Variants in RAB3GAP2 observed in about 807,000 individuals in gnomAD.
RAB3GAP2 encodes the protein RAB3 GTPase activating non-catalytic protein subunit 2.
In RAB3GAP2, 87 loss-of-function variants were observed where a neutral mutation model predicts 185.3. That is an observed-to-expected ratio of 0.47 (90% CI 0.39 to 0.56). RAB3GAP2 has a LOEUF of 0.56. Ranked by LOEUF, RAB3GAP2 falls within the 20% of genes least tolerant of loss-of-function variation. The pLI is 0.00. For missense variants in RAB3GAP2, 1,492 were observed against 1,638.2 expected (o/e 0.91, Z 1.54); for synonymous variants, 554 against 576.1 (o/e 0.96, Z 0.55).
rs999874919 is a variant in RAB3GAP2, at chr1:220,153,370, G to C, written c.3682C>G (p.Gln1228Glu). Reference protein sequence around the residue: ...LKVVSAAVQAQHSATKVKDPT... With the variant: ...LKVVSAAVQAEHSATKVKDPT... Reference sequence around the variant, plus strand: ...TCTTTGACCTTTGTGGCTGAATGTTGGGCCTGGACAGCTGCACTGACAACT... The same window carrying C: ...TCTTTGACCTTTGTGGCTGAATGTTCGGCCTGGACAGCTGCACTGACAACT... The change falls in exon 33 of 35, where the codon CAA becomes GAA. Residue 1228 changes from glutamine (Q) to glutamate (E), a missense_variant. Physicochemically the swap from Gln to Glu is conservative, Grantham distance 29 (BLOSUM62 2). Coordinates refer to ENST00000358951, the MANE Select transcript of RAB3GAP2 (RefSeq NM_012414.4). 6.2e-7 allele frequency: 1 copy of C among 1,614,048 alleles called. No individual in the cohort carries two copies. The highest frequency in any genetic ancestry group is 1.7e-5 in the Admixed American group (1 of 59,998).
chr1:220,202,525 C>T (rs1658882019), intron 8 of RAB3GAP2, 151 bp from the exon 9 acceptor site: 5 of 788,274 alleles, frequency 6.3e-6, no homozygotes, highest in Non-Finnish European at 8.1e-6. Context: ...GAGATTTATT[C>T]ACACCAAGAC....
Position 220,176,778 on chromosome 1 carries a change from G to T in RAB3GAP2, c.2311-4036C>A, listed in dbSNP as rs117539717. ...TCCCCCTCAGGGCCCCCTCACTGCA[G>T]CTGGAGAACTATCCTATCTGTGCAG... On this transcript the variant is annotated intron_variant, in intron 21 of 34. Coordinates refer to ENST00000358951, the MANE Select transcript of RAB3GAP2 (RefSeq NM_012414.4). Among the ~76,000 whole-genome samples, 265 of 152,240 alleles carry T rather than the reference G, an allele frequency of 1.7e-3. 5 individuals are homozygous for T. In the East Asian group the frequency reaches 0.044, roughly 25 times the overall value.
At chr1:220,198,929 G>A (rs752613017) in intron 9 of RAB3GAP2, among the ~76,000 whole-genome samples, 4 of 152,182 alleles carry the variant, frequency 2.6e-5, no homozygotes, top group East Asian at 1.9e-4. Context: ...TGAGTGAAGA[G>A]AGGGAGAAAG....
chr1:220,199,702 T>C (rs1658805370), intron 9 of RAB3GAP2, among the ~76,000 whole-genome samples: 3 of 152,158 alleles, frequency 2.0e-5, no homozygotes. Context: ...TCCTCCTCCT[T>C]ATTCTCATTT....
intron 14 of RAB3GAP2, 77 bp from the exon 15 acceptor site, chr1:220,190,597 G>A: frequency 7.0e-7 from 1 of 1,425,492 alleles, no homozygotes; most frequent in Non-Finnish European, 9.9e-7. Context: ...ATTATAGCTA[G>A]GAAACCCAAC....
chr1:220,271,699 A>G (rs2102541824), intron 1 of RAB3GAP2, among the ~76,000 whole-genome samples: 2 of 152,136 alleles, frequency 1.3e-5, no homozygotes, highest in African/African-American at 4.8e-5. Context: ...GAAAGAAGGG[A>G]GAGTGTGGGG....
At chr1:220,265,943 CA>C (rs1408371262) in intron 1 of RAB3GAP2, 1 of 152,012 alleles carries the variant, frequency 6.6e-6, no homozygotes, top group African/African-American at 2.4e-5. Context: ...AAAAACAAAA[CA>C]AACAAAAAAG....
chr1:220,202,403 A>G (rs1658879272), intron 8 of RAB3GAP2, 29 bp from the exon 9 acceptor site: 11 of 1,592,868 alleles, frequency 6.9e-6, no homozygotes, highest in Non-Finnish European at 9.5e-6. Flanking sequence ...GACAATCCAA[A>G]CTTATTATGG....
chr1:220,236,990 T>A (rs553460072), intron 1 of RAB3GAP2, among the ~76,000 whole-genome samples: 1 of 152,310 alleles, frequency 6.6e-6, no homozygotes, highest in African/African-American at 2.4e-5. Flanking sequence ...TAATTTATTA[T>A]CAATTACTTC....
chr1:220,240,493 T>C (rs1375766483), intron 1 of RAB3GAP2, among the ~76,000 whole-genome samples: 1 of 152,288 alleles, frequency 6.6e-6, no homozygotes, highest in South Asian at 2.1e-4. Context: ...AAATCAAAGA[T>C]TGCATTAAAG....
intron 30 of RAB3GAP2, 61 bp from the exon 31 acceptor site, chr1:220,157,549 T>C: frequency 6.5e-7 from 1 of 1,530,750 alleles, no homozygotes; most frequent in African/African-American, 1.4e-5. Flanking sequence ...CTTACAAATA[T>C]CCCAATGAGT....
At chr1:220,206,090 G>A in intron 7 of RAB3GAP2, 84 bp from the exon 8 acceptor site, 1 of 881,552 alleles carries the variant, frequency 1.1e-6, no homozygotes, top group Non-Finnish European at 1.8e-6. Context: ...CACGAATAAT[G>A]TAACATAACC....
Position 220,210,500 on chromosome 1 carries a change from GCA to G in RAB3GAP2, c.511-13_511-12del, listed in dbSNP as rs780507204. ...CAAGAGCACACCATTCTAGGAGGAAGCACAGAGAAGGGCCCTGCTTGTTTTCT... is the reference window on the plus strand; with the variant it reads ...CAAGAGCACACCATTCTAGGAGGAAGCAGAGAAGGGCCCTGCTTGTTTTCT... On this transcript the variant is annotated splice_polypyrimidine_tract_variant and intron_variant, in intron 6 of 34. Coordinates refer to ENST00000358951, the MANE Select transcript of RAB3GAP2 (RefSeq NM_012414.4). 2.5e-6 allele frequency: 4 copies of G among 1,595,586 alleles called. No individual in the cohort carries two copies. The South Asian group carries it at 4.4e-5, about 18-fold the overall frequency.
In RAB3GAP2 at chr1:220,151,386, G is replaced by A; in HGVS notation, c.4047C>T (p.Asn1349=). The change falls in exon 35 of 35, where the codon AAC becomes AAT. Residue 1349 remains asparagine (N), a synonymous_variant. Transcript: ENST00000358951. The part of the protein sequence containing the change: ...LKAMDPQDLQ[N]TEVPIATTAK... Reference sequence around the variant, plus strand: ...CTGTTGTTGCAATTGGCACTTCAGTGTTTTGAAGGTCCTGGGGGTCCTGCA... The same window carrying A: ...CTGTTGTTGCAATTGGCACTTCAGTATTTTGAAGGTCCTGGGGGTCCTGCA... 1.9e-6 allele frequency: 3 copies of A among 1,614,150 alleles called. No individual in the cohort carries two copies. The highest frequency in any genetic ancestry group is 2.5e-6 in the Non-Finnish European group (3 of 1,180,018).
chr1:220,157,910 C>T, intron 29 of RAB3GAP2, 34 bp from the exon 30 acceptor site: 1 of 1,521,944 alleles, frequency 6.6e-7, no homozygotes, highest in Non-Finnish European at 9.1e-7. Flanking sequence ...TTAGGCCCTG[C>T]AGGAAAACTG....
chr1:220,266,400 C>T (rs1192458294), intron 1 of RAB3GAP2: 5 of 432,534 alleles, frequency 1.2e-5, no homozygotes, highest in Non-Finnish European at 2.2e-5. Flanking sequence ...TCTGGATTTG[C>T]CTCCTGGGAG....
chr1:220,153,448 T>C, intron 32 of RAB3GAP2, 42 bp from the exon 33 acceptor site: 1 of 1,553,870 alleles, frequency 6.4e-7, no homozygotes. Flanking sequence ...ATTGTTACTG[T>C]TTCATTTTAA....
At chr1:220,245,827 A>G (rs1013128239) in intron 1 of RAB3GAP2, among the ~76,000 whole-genome samples, 13 of 152,362 alleles carry the variant, frequency 8.5e-5, no homozygotes, top group East Asian at 1.9e-4. Context: ...ATCTGAGAAC[A>G]GGCAGACTGC....
chr1:220,229,136 C>T (rs1326923068), intron 2 of RAB3GAP2, among the ~76,000 whole-genome samples: 2 of 152,182 alleles, frequency 1.3e-5, no homozygotes, highest in Non-Finnish European at 2.9e-5. Context: ...ACTATGCTAT[C>T]ATTGTCCACG....
Sources: allele counts gnomAD v4.1 joint callset (sites outside exome capture counted in the v4.1 genomes callset), GRCh38; gene constraint gnomAD v4.1.1; transcripts MANE v1.5; gene names NCBI Gene and HGNC (gene_info 2026-07-23, HGNC 2026-07-21).